Variants in PCSK7 observed in about 807,000 individuals in gnomAD.
PCSK7 encodes lymphoma proprotein convertase.
A neutral mutation model predicts 73.3 loss-of-function variants in PCSK7; 38 were observed. That is an observed-to-expected ratio of 0.52 (90% confidence interval 0.40 to 0.68). The LOEUF (loss-of-function observed/expected upper bound fraction) is 0.68, where lower values mean the gene tolerates loss of function less well. Ranked by LOEUF, PCSK7 falls within the 30% of genes least tolerant of loss-of-function variation. The pLI is 0.00. For synonymous variants in PCSK7, 296 were observed against 383.8 expected (o/e 0.77, Z 2.68); for missense variants, 692 against 991.5 (o/e 0.70, Z 4.06).
chr11:117,216,018 T>C (rs1191479688), intron 12 of PCSK7: 4 of 152,116 alleles, frequency 2.6e-5, no homozygotes, highest in Admixed American at 6.5e-5. Flanking sequence ...AATTTTATTT[T>C]TTGTAGAAAT....
Position 117,218,924 on chromosome 11 carries a change from G to A in PCSK7, c.1431+133C>T. 1.6e-6 allele frequency: 1 copy of A among 610,938 alleles called. No homozygotes were observed. Among genetic ancestry groups the A allele is most frequent in the Non-Finnish European group, 2.9e-6 (1 of 347,524 alleles). 37.8% of individuals were successfully genotyped at this position (610,938 alleles called of 1,614,324 possible). A position where few individuals can be genotyped will look rare whatever the true frequency, so the allele number is the denominator to read the frequency against. On this transcript the variant is annotated intron_variant, in intron 11 of 16. Transcript: ENST00000320934. The surrounding 1 kb of genome is among the most constrained non-coding windows in gnomAD (Gnocchi z 4.0). The stretch of plus-strand genomic sequence containing the variant: ...AAAATGGATATCAGCTGGGATGAAG[G>A]TTGAAGTTGTTAAATCAATGAACTG...
intron 12 of PCSK7, chr11:117,213,485 A>C (rs1033618915): frequency 2.6e-5 from 4 of 152,206 alleles, no homozygotes; most frequent in African/African-American, 9.7e-5. Context: ...AATTTTGTAC[A>C]TGTTAAGTGT....
intron 8 of PCSK7, chr11:117,223,531 G>C (rs146889194): frequency 1.8e-6 from 1 of 562,278 alleles, no homozygotes; most frequent in East Asian, 2.9e-5. Flanking sequence ...CTTTCAGTAG[G>C]CTCTGGGGTA....
intron 1 of PCSK7, among the ~76,000 whole-genome samples, chr11:117,230,884 G>C (rs1273405022): frequency 6.6e-6 from 1 of 152,052 alleles, no homozygotes; most frequent in East Asian, 1.9e-4. Context: ...AAACAGAACA[G>C]GCACCAAGGA....
rs558674047 is a variant in PCSK7, at chr11:117,228,261, C to G, written c.558G>C (p.Val186=). 6.2e-7 allele frequency: 1 copy of G among 1,613,678 alleles called. No individual in the cohort carries two copies. The highest frequency in any genetic ancestry group is 8.5e-7 in the Non-Finnish European group (1 of 1,179,818). ...GGATGGTGTGTTCCACTCCGTCATCCACTACCACCACCGTCACCCCTCGCC... is the reference window on the plus strand; with the variant it reads ...GGATGGTGTGTTCCACTCCGTCATCGACTACCACCACCGTCACCCCTCGCC... ...VTGRGVTVVV[V]DDGVEHTIQD... is the part of the protein sequence containing the mutation. The change falls in exon 4 of 17, where the codon GTG becomes GTC. Residue 186 remains valine, a synonymous_variant. Transcript: ENST00000320934.
Position 117,214,736 on chromosome 11 carries a change from G to A in PCSK7, c.1534+3730C>T, listed in dbSNP as rs188893941. ...ATTCATTTGAAAAGTTGCCTGGTTGGAGGTAGCAGGGACTTGCATTTGAAG... is the reference window on the plus strand; with the variant it reads ...ATTCATTTGAAAAGTTGCCTGGTTGAAGGTAGCAGGGACTTGCATTTGAAG... On this transcript the variant is annotated intron_variant, in intron 12 of 16. Coordinates refer to ENST00000320934, the MANE Select transcript of PCSK7 (RefSeq NM_004716.4). 12 of 152,398 alleles carry A rather than the reference G, an allele frequency of 7.9e-5. No individual in the cohort carries two copies. In the East Asian group the frequency reaches 1.4e-3, roughly 17 times the overall value. The allele number at this position is 152,398 out of a possible 1,614,324, so 9.4% of individuals were successfully genotyped here.
At chr11:117,215,380 G>GTGTGTGTGTGTGTGTGTATATATATATA (rs1164738557) in intron 12 of PCSK7, 2 of 55,898 alleles carry the variant, frequency 3.6e-5, no homozygotes, top group South Asian at 9.9e-4. Flanking sequence ...GTGTGTGTGT[G>GTGTGTGTGTGTGTGTGTATATATATATA]TATATATATA....
At position 117,218,517 on chromosome 11, in the gene PCSK7, C is replaced by G; in HGVS notation, c.1483G>C (p.Glu495Gln). Residue 495 changes from glutamate to glutamine, a missense_variant, in exon 12 of 17, where the codon GAA becomes CAA. Glu to Gln is a conservative substitution (Grantham distance 29, BLOSUM62 2). Around this residue, in one of 6 missense-constraint regions of PCSK7, gnomAD observed 574 missense variants for 689.8 expected, o/e 0.83. Coordinates refer to ENST00000320934, the MANE Select transcript of PCSK7 (RefSeq NM_004716.4). The surrounding 1 kb of genome is among the most constrained non-coding windows in gnomAD (Gnocchi z 4.0). Reference sequence around the variant, plus strand: ...GGGGACTGCGGAATCGCCTTGTTTTCTTTTAACACGGGACTGACGTAGGAT... The same window carrying G: ...GGGGACTGCGGAATCGCCTTGTTTTGTTTTAACACGGGACTGACGTAGGAT... ...LASYVSPVLK[E>Q]NKAIPQSPRS... 1 of 1,611,112 alleles carries G rather than the reference C, an allele frequency of 6.2e-7. No homozygotes were observed. The highest frequency in any genetic ancestry group is 8.5e-7 in the Non-Finnish European group (1 of 1,178,624).
rs1227252841 is a variant in PCSK7, at chr11:117,205,558, A to T, written c.*439T>A. On this transcript the variant is annotated 3_prime_UTR_variant, in exon 17 of 17. Transcript: ENST00000320934. The stretch of plus-strand genomic sequence containing the variant: ...AGCCGCTTTCAGGACAGGCATGTCC[A>T]GGGGCTCCTCCCAGCCTCTACCCCG... The T allele has an allele frequency of 4.2e-6, 1 of 237,410 alleles. No individual in the cohort carries two copies. Among genetic ancestry groups the T allele is most frequent in the Non-Finnish European group, 8.3e-6 (1 of 120,970 alleles). 14.7% of individuals were successfully genotyped at this position (237,410 alleles called of 1,614,324 possible). A position where few individuals can be genotyped will look rare whatever the true frequency, so the allele number is the denominator to read the frequency against.
intron 5 of PCSK7, 89 bp from the exon 6 acceptor site, chr11:117,226,110 A>AT: frequency 2.7e-6 from 2 of 749,760 alleles, no homozygotes; most frequent in Non-Finnish European, 4.8e-6. Context: ...TGGGAGACTT[A>AT]TTTTTCCCTA....
At position 117,208,880 on chromosome 11, in the gene PCSK7, CG is replaced by C. The variant is rs2031572852; in HGVS notation, c.1691+16del. ...CTTGCTGAAAAGGTTGCTCAGGCCT[CG>C]GGCGGGTGTACATACGAGTCCATGC... On this transcript the variant is annotated intron_variant, in intron 13 of 16. Coordinates refer to ENST00000320934, the MANE Select transcript of PCSK7 (RefSeq NM_004716.4). 1 of 1,605,580 alleles carries C rather than the reference CG, an allele frequency of 6.2e-7. No individual in the cohort carries two copies. Among genetic ancestry groups the C allele is most frequent in the Admixed American group, 1.7e-5 (1 of 59,086 alleles).
Position 117,227,286 on chromosome 11 carries a change from G to A in PCSK7, c.640C>T (p.Pro214Ser). 4 of 1,613,848 alleles carry A rather than the reference G, an allele frequency of 2.5e-6. No homozygotes were observed. Among genetic ancestry groups the A allele is most frequent in the Non-Finnish European group, 3.4e-6 (4 of 1,179,756 alleles). ...EGSYDLNSNDPDPMPHPDVEN... is the reference protein window; with the variant it reads ...EGSYDLNSNDSDPMPHPDVEN... ...ACATCCGGGTGGGGCATGGGGTCAG[G>A]GTCATTAGAGTTGAGGTCATAGCTA... The change falls in exon 5 of 17, where the codon CCT (proline) becomes TCT (serine). Residue 214 changes from proline to serine, a missense_variant. Around this residue, in one of 6 missense-constraint regions of PCSK7, gnomAD observed 574 missense variants for 689.8 expected, o/e 0.83. Transcript: ENST00000320934.
chr11:117,224,335 T>C (rs568437092), intron 7 of PCSK7, 119 bp from the exon 8 acceptor site: 509 of 979,852 alleles, frequency 5.2e-4, no homozygotes, highest in Non-Finnish European at 7.3e-4. Context: ...CAAAGGGCAC[T>C]GGGCATGGGG....
chr11:117,213,513 T>G (rs1390592796), intron 12 of PCSK7: 1 of 152,168 alleles, frequency 6.6e-6, no homozygotes, highest in Non-Finnish European at 1.5e-5. Context: ...TGGTGGAATA[T>G]CAACAGCACA....
rs1390675482 is a variant in PCSK7 at position 117,226,006 on chromosome 11, T to C, written c.785A>G (p.Asp262Gly). 2 of 1,606,124 alleles carry C rather than the reference T, an allele frequency of 1.2e-6. No individual in the cohort carries two copies. Among genetic ancestry groups the C allele is most frequent in the Admixed American group, 3.3e-5 (2 of 59,986 alleles). The change falls in exon 6 of 17, where the codon GAT (aspartate) becomes GGT (glycine). Residue 262 changes from aspartate to glycine, a missense_variant. Around this residue, in one of 6 missense-constraint regions of PCSK7, gnomAD observed 574 missense variants for 689.8 expected, o/e 0.83. Transcript: ENST00000320934. Reference protein sequence around the residue: ...GSRIAGIRVLDGPLTDSMEAV... With the variant: ...GSRIAGIRVLGGPLTDSMEAV... ...CTCCATGCTGTCTGTGAGAGGTCCATCCAGTACCCGGATACCTAGGCAATG... is the reference window on the plus strand; with the variant it reads ...CTCCATGCTGTCTGTGAGAGGTCCACCCAGTACCCGGATACCTAGGCAATG...
At chr11:117,221,283 C>T (rs2032180102) in intron 9 of PCSK7, 1 of 152,262 alleles carries the variant, frequency 6.6e-6, no homozygotes, top group African/African-American at 2.4e-5. Context: ...GGGAAAAGCA[C>T]TCTCCAAGTG....
At chr11:117,215,198 CTTATTA>C (rs36028244) in intron 12 of PCSK7, 1 of 150,926 alleles carries the variant, frequency 6.6e-6, no homozygotes, top group Admixed American at 6.6e-5. Flanking sequence ...TCATACTAGC[CTTATTA>C]TTATTATTTG....
At chr11:117,206,430 A>G in intron 16 of PCSK7, 74 bp from the exon 17 acceptor site, 1 of 1,535,338 alleles carries the variant, frequency 6.5e-7, no homozygotes, top group South Asian at 1.3e-5. Flanking sequence ...CAGGACAATG[A>G]GCTCAGAAAG....
At chr11:117,228,708 C>T (rs2032525589) in intron 3 of PCSK7, among the ~76,000 whole-genome samples, 1 of 151,492 alleles carries the variant, frequency 6.6e-6, no homozygotes, top group African/African-American at 2.4e-5. Context: ...GCAAGCTCCG[C>T]CTCCCGGATT....
Sources: gnomAD v4.1 joint callset for allele counts (sites outside exome capture counted in the v4.1 genomes callset) on GRCh38, gnomAD v4.1.1 for gene constraint, gnomAD v4.1.1 regional missense constraint, Gnocchi (gnomAD v3.1) non-coding constraint, MANE v1.5 for transcripts, NCBI Gene and HGNC (gene_info 2026-07-23, HGNC 2026-07-21) for gene names.